SPATA21: variants seen among roughly 807,000 people sequenced by gnomAD.
SPATA21 encodes the protein spermatogenesis-associated protein 21.
A neutral mutation model predicts 54.8 loss-of-function variants in SPATA21; 47 were observed. That is an observed-to-expected ratio of 0.86 (90% CI 0.68 to 1.09). The LOEUF (loss-of-function observed/expected upper bound fraction) is 1.09. Among genes scored for constraint, SPATA21 ranks in the 50% least tolerant of loss-of-function variants. SPATA21 has a pLI of 0.00. For missense variants in SPATA21, 599 were observed against 596.4 expected, an observed-to-expected ratio of 1.00 and a Z score of -0.05; for synonymous variants, 245 against 235.3, an observed-to-expected ratio of 1.04 and a Z score of -0.38.
chr1:16,423,494 T>TGTTGATAC (rs2086230851), intron 3 of SPATA21, among the ~76,000 whole-genome samples: 1 of 149,898 alleles, frequency 6.7e-6, no homozygotes. Flanking sequence ...AAGAACAACA[T>TGTTGATAC]GTTGATACAC....
intron 1 of SPATA21, among the ~76,000 whole-genome samples, chr1:16,433,906 C>A (rs1357632790): frequency 6.6e-6 from 1 of 152,178 alleles, no homozygotes; most frequent in Admixed American, 6.5e-5. Flanking sequence ...AATTCAACGG[C>A]TTTTAGGATA....
At chr1:16,430,491 T>C (rs981607090) in intron 3 of SPATA21, among the ~76,000 whole-genome samples, 1 of 151,972 alleles carries the variant, frequency 6.6e-6, no homozygotes, top group East Asian at 1.9e-4. Context: ...CTGAGAGGTG[T>C]GATGGAAGCT....
intron 5 of SPATA21, among the ~76,000 whole-genome samples, chr1:16,416,277 G>A (rs1361348183): frequency 6.6e-6 from 1 of 152,222 alleles, no homozygotes; most frequent in Admixed American, 6.5e-5. Flanking sequence ...AAGGCCAAAT[G>A]CTTCACTCCA....
At chr1:16,404,129 TGG>T in intron 8 of SPATA21, 90 bp from the exon 9 acceptor site, 1 of 1,097,488 alleles carries the variant, frequency 9.1e-7, no homozygotes, top group Non-Finnish European at 1.4e-6. Context: ...AGTCACTGTC[TGG>T]GTCTGATTAT....
At chr1:16,407,959 G>A (rs1464745008) in intron 7 of SPATA21, among the ~76,000 whole-genome samples, 1 of 152,108 alleles carries the variant, frequency 6.6e-6, no homozygotes, top group Non-Finnish European at 1.5e-5. Context: ...AGATGTGGGG[G>A]TCTTACTATG....
chr1:16,432,911 GT>G lies in SPATA21; in HGVS notation c.-174del, dbSNP rs1174981573. 6.6e-6 allele frequency: 1 copy of G among 152,192 alleles called. No individual in the cohort carries two copies. The highest frequency in any genetic ancestry group is 1.5e-5 in the Non-Finnish European group (1 of 68,058). 9.4% of individuals were successfully genotyped at this position (152,192 alleles called of 1,614,324 possible). ...AGTATTCTCCTAACAGCCCTGTGAA[GT>G]CTGGGTTCAGCCCTGTTTTAAAGAT... On this transcript the variant is annotated 5_prime_UTR_variant, in exon 2 of 13. Coordinates refer to ENST00000335496, the MANE Select transcript of SPATA21 (RefSeq NM_198546.1).
At position 16,424,405 on chromosome 1, in the gene SPATA21, T is replaced by A. The variant is rs866772999; in HGVS notation, c.35-2434A>T. Reference sequence around the variant, plus strand: ...ATACTCTAACCATATCTTTTTAAAATTTTTTATTTATTTTTTTATTTTTAT... The same window carrying A: ...ATACTCTAACCATATCTTTTTAAAAATTTTTATTTATTTTTTTATTTTTAT... On this transcript the variant is annotated intron_variant, in intron 3 of 12. Coordinates refer to ENST00000335496, the MANE Select transcript of SPATA21 (RefSeq NM_198546.1). 2.1e-4 allele frequency among the ~76,000 whole-genome samples: 31 copies of A among 151,112 alleles called. No individual in the cohort carries two copies. In the Middle Eastern group the frequency reaches 0.01, roughly 50 times the overall value.
At chr1:16,402,597 C>T (rs1216486409) in intron 10 of SPATA21, among the ~76,000 whole-genome samples, 1 of 134,300 alleles carries the variant, frequency 7.4e-6, no homozygotes, top group Non-Finnish European at 1.7e-5. Context: ...CGTTCTGTCA[C>T]CAAGGCTGGA....
chr1:16,420,737 G>T (rs1408360235), intron 5 of SPATA21, among the ~76,000 whole-genome samples: 1 of 152,056 alleles, frequency 6.6e-6, no homozygotes, highest in Non-Finnish European at 1.5e-5. Flanking sequence ...TGGGTTTGGG[G>T]ATGCTTCTTC....
intron 1 of SPATA21, 84 bp downstream of exon 1, chr1:16,437,044 A>C (rs934536705): frequency 6.6e-6 from 1 of 152,178 alleles, no homozygotes; most frequent in African/African-American, 2.4e-5. Flanking sequence ...CAGCAGATAA[A>C]GATAAGTGGC....
chr1:16,425,459 G>T, intron 3 of SPATA21: 1 of 1,480,114 alleles, frequency 6.8e-7, no homozygotes. Flanking sequence ...TGATAGGAGG[G>T]GGGCTCTTTC....
At position 16,400,478 on chromosome 1, in the gene SPATA21, C is replaced by T. The variant is rs1570078584; in HGVS notation, c.1174+242G>A. ...CTTTCTCAGTCCTGGCTCATGGGAC[C>T]AACCTGTGCTCAGGCTAAGGCAGGA... is the stretch of plus-strand genomic sequence containing the variant. On this transcript the variant is annotated intron_variant, in intron 11 of 12. Transcript: ENST00000335496. 3 of 1,260,680 alleles carry T rather than the reference C, an allele frequency of 2.4e-6. No homozygotes were observed. In the East Asian group the frequency reaches 1.0e-4, roughly 43 times the overall value. The allele number at this position is 1,260,680 out of a possible 1,614,324, so 78.1% of individuals were successfully genotyped here. A position where few individuals can be genotyped will look rare whatever the true frequency, so the allele number is the denominator to read the frequency against.
chr1:16,400,922 C>G (rs199946889), intron 10 of SPATA21, 30 bp from the exon 11 acceptor site: 7 of 1,601,638 alleles, frequency 4.4e-6, no homozygotes, highest in Non-Finnish European at 6.0e-6. Context: ...CCATCTCAGC[C>G]TGGCTGTGTT....
chr1:16,410,106 C>T (rs2100818141), intron 5 of SPATA21, 63 bp from the exon 6 acceptor site: 1 of 1,299,370 alleles, frequency 7.7e-7, no homozygotes, highest in Non-Finnish European at 1.1e-6. Flanking sequence ...CAAATCTCCT[C>T]CCTGCCATCC....
At chr1:16,403,581 TGG>T in intron 10 of SPATA21, 144 bp downstream of exon 10, 1 of 656,010 alleles carries the variant, frequency 1.5e-6, no homozygotes, top group Non-Finnish European at 2.7e-6. Flanking sequence ...CTCCACCTCC[TGG>T]GTTCAAGCGA....
Position 16,409,494 on chromosome 1 carries a change from G to T in SPATA21, c.587+107C>A. The T allele has an allele frequency of 8.6e-7, 1 of 1,168,126 alleles. No homozygotes were observed. The highest frequency in any genetic ancestry group is 1.2e-6 in the Non-Finnish European group (1 of 832,684). The allele number at this position is 1,168,126 out of a possible 1,614,324, so 72.4% of individuals were successfully genotyped here. A position where few individuals can be genotyped will look rare whatever the true frequency, so the allele number is the denominator to read the frequency against. The stretch of plus-strand genomic sequence containing the variant: ...ACATGAGGAGAAATGGAGAGAGGGG[G>T]ACACACGAGGGAACAGGCAGGTGCA... On this transcript the variant is annotated intron_variant, in intron 6 of 12. Transcript: ENST00000335496. This position sits in a 1 kb window ranked among gnomAD's most constrained non-coding sequence, Gnocchi z 4.1.
Position 16,409,135 on chromosome 1 carries a change from G to A in SPATA21, c.656C>T (p.Thr219Ile). 9 of 1,614,126 alleles carry A rather than the reference G, an allele frequency of 5.6e-6. No homozygotes were observed. Among genetic ancestry groups the A allele is most frequent in the East Asian group, 2.2e-5 (1 of 44,852 alleles). ...GCCCTCACCTTCCTCTTGCTTCAGGGTCAGTTGCTCCTCGGACTTCTCCCG... is the reference window on the plus strand; with the variant it reads ...GCCCTCACCTTCCTCTTGCTTCAGGATCAGTTGCTCCTCGGACTTCTCCCG... Reference protein sequence around the residue: ...QNREKSEEQLTLKQEEAFRSY... With the variant: ...QNREKSEEQLILKQEEAFRSY... Residue 219 changes from threonine to isoleucine, a missense_variant, in exon 7 of 13, where the codon ACC becomes ATC. By Grantham distance (89) the Thr-to-Ile change is moderately conservative (BLOSUM62 -1). Transcript: ENST00000335496. The surrounding 1 kb of genome is among the most constrained non-coding windows in gnomAD (Gnocchi z 4.1).
chr1:16,424,249 C>G (rs1306859095), intron 3 of SPATA21, among the ~76,000 whole-genome samples: 44 of 118,560 alleles, frequency 3.7e-4, no homozygotes, highest in Middle Eastern at 3.8e-3. Flanking sequence ...GGAGGCAGAG[C>G]TTGCAGTGAG....
chr1:16,400,658 C>G (rs2085415338), intron 11 of SPATA21, 62 bp downstream of exon 11: 1 of 1,534,464 alleles, frequency 6.5e-7, no homozygotes, highest in East Asian at 2.3e-5. Flanking sequence ...GGAAAGGAGA[C>G]CAGATGGGCA....
Sources: gnomAD v4.1 joint callset for allele counts (sites outside exome capture counted in the v4.1 genomes callset) on GRCh38, gnomAD v4.1.1 for gene constraint, Gnocchi (gnomAD v3.1) non-coding constraint, MANE v1.5 for transcripts, NCBI Gene and HGNC (gene_info 2026-07-23, HGNC 2026-07-21) for gene names.